KCND2: variants seen among roughly 807,000 people sequenced by gnomAD.
The protein encoded by KCND2 is A-type voltage-gated potassium channel KCND2.
A neutral mutation model predicts 54.4 loss-of-function variants in KCND2; 16 were observed. That is an observed-to-expected ratio of 0.29 (90% CI 0.20 to 0.45). The LOEUF is 0.45. KCND2 is among the 20% of genes least tolerant of loss of function. The pLI is 1.00. For synonymous variants in KCND2, 317 were observed against 310.7 expected (o/e 1.02, Z -0.21); for missense variants, 486 against 824.2 (o/e 0.59, Z 5.02).
chr7:120,702,602 A>C (rs779513001), intron 1 of KCND2, among the ~76,000 whole-genome samples: 1 of 152,236 alleles, frequency 6.6e-6, no homozygotes. Flanking sequence ...ATGGAATACT[A>C]TGCAGCCATA....
intron 1 of KCND2, among the ~76,000 whole-genome samples, chr7:120,288,848 T>C (rs1799387726): frequency 6.6e-6 from 1 of 152,058 alleles, no homozygotes; most frequent in Non-Finnish European, 1.5e-5. Flanking sequence ...TGTTACTTAG[T>C]TAAAATCAGG....
At chr7:120,457,021 A>G (rs1802209818) in intron 1 of KCND2, among the ~76,000 whole-genome samples, 1 of 152,192 alleles carries the variant, frequency 6.6e-6, no homozygotes, top group Non-Finnish European at 1.5e-5. Flanking sequence ...GAAACTTCCA[A>G]AACTTGGGGC....
chr7:120,556,560 A>C (rs1378825068), intron 1 of KCND2, among the ~76,000 whole-genome samples: 4 of 152,118 alleles, frequency 2.6e-5, no homozygotes, highest in African/African-American at 9.7e-5. Context: ...TTTTATCCCT[A>C]TTTCAAAGTA....
chr7:120,396,812 T>C (rs1426098360), intron 1 of KCND2, among the ~76,000 whole-genome samples: 2 of 152,058 alleles, frequency 1.3e-5, no homozygotes, highest in Admixed American at 1.3e-4. Context: ...ACAGACATTA[T>C]GGCCATATAT....
intron 1 of KCND2, among the ~76,000 whole-genome samples, chr7:120,589,761 T>C (rs1004748520): frequency 1.3e-5 from 2 of 152,246 alleles, no homozygotes; most frequent in Non-Finnish European, 2.9e-5. Context: ...TTATCATATC[T>C]GGACTGAGAC....
chr7:120,664,579 T>A (rs1791902698), intron 1 of KCND2, among the ~76,000 whole-genome samples: 1 of 152,096 alleles, frequency 6.6e-6, no homozygotes, highest in Admixed American at 6.5e-5. Flanking sequence ...AATGATTATC[T>A]AACTAGCAGA....
intron 1 of KCND2, among the ~76,000 whole-genome samples, chr7:120,728,460 A>G (rs1445567993): frequency 6.6e-6 from 1 of 151,530 alleles, no homozygotes; most frequent in Non-Finnish European, 1.5e-5. Flanking sequence ...CCCGGCTAAC[A>G]TTGTATCTGT....
intron 1 of KCND2, among the ~76,000 whole-genome samples, chr7:120,611,616 A>G (rs1393644372): frequency 6.6e-6 from 1 of 152,174 alleles, no homozygotes; most frequent in Non-Finnish European, 1.5e-5. Context: ...TTAGAAAGGA[A>G]CACATGAATC....
At chr7:120,320,442 C>T (rs1336562270) in intron 1 of KCND2, among the ~76,000 whole-genome samples, 1 of 152,082 alleles carries the variant, frequency 6.6e-6, no homozygotes, top group East Asian at 1.9e-4. Flanking sequence ...GCAAGTGGTT[C>T]AGTGTGCGAA....
At chr7:120,453,542 C>T (rs1210310512) in intron 1 of KCND2, among the ~76,000 whole-genome samples, 1 of 152,136 alleles carries the variant, frequency 6.6e-6, no homozygotes, top group Non-Finnish European at 1.5e-5. Flanking sequence ...TTAGCAAATT[C>T]AAAAAACCAA....
chr7:120,533,746 C>A (rs1342602514), intron 1 of KCND2, among the ~76,000 whole-genome samples: 9 of 152,068 alleles, frequency 5.9e-5, no homozygotes, highest in Non-Finnish European at 2.9e-5. Context: ...ATAAATGATT[C>A]CACAGTTTTT....
At chr7:120,391,074 C>T (rs1801069899) in intron 1 of KCND2, among the ~76,000 whole-genome samples, 1 of 152,042 alleles carries the variant, frequency 6.6e-6, no homozygotes, top group Admixed American at 6.6e-5. Context: ...CCTTTGCCTC[C>T]ACTGCCCAAC....
chr7:120,693,653 T>C (rs1442852126), intron 1 of KCND2, among the ~76,000 whole-genome samples: 1 of 152,130 alleles, frequency 6.6e-6, no homozygotes, highest in Non-Finnish European at 1.5e-5. Flanking sequence ...GCTCTGTATT[T>C]GCTATTTTAT....
chr7:120,440,631 T>C (rs1328914782), intron 1 of KCND2, among the ~76,000 whole-genome samples: 1 of 152,056 alleles, frequency 6.6e-6, no homozygotes, highest in Non-Finnish European at 1.5e-5. Context: ...GACCTTACTT[T>C]TAAGTCTTTA....
chr7:120,629,473 G>A (rs537644262), intron 1 of KCND2, among the ~76,000 whole-genome samples: 21 of 152,254 alleles, frequency 1.4e-4, no homozygotes, highest in Admixed American at 3.9e-4. Flanking sequence ...GCGACAGAGC[G>A]AGACTCCGTC....
chr7:120,740,966 T>A, intron 2 of KCND2: 1 of 447,002 alleles, frequency 2.2e-6, no homozygotes, highest in Non-Finnish European at 4.5e-6. Context: ...TGGCATGGGA[T>A]CTACCTAGGC....
chr7:120,436,946 A>G (rs1303218085), intron 1 of KCND2, among the ~76,000 whole-genome samples: 1 of 152,174 alleles, frequency 6.6e-6, no homozygotes, highest in Admixed American at 6.5e-5. Context: ...GACTTGATCT[A>G]TGGATATCAG....
chr7:120,290,528 A>T (rs1442445784), intron 1 of KCND2, among the ~76,000 whole-genome samples: 1 of 151,930 alleles, frequency 6.6e-6, no homozygotes, highest in African/African-American at 2.4e-5. Context: ...GTCCCAGACC[A>T]TTCTTATGAA....
chr7:120,474,597 C>T lies in KCND2; in HGVS notation c.1115+198850C>T, dbSNP rs551228880. Among the ~76,000 whole-genome samples the T allele has an allele frequency of 5.3e-5, 8 of 151,738 alleles. No individual in the cohort carries two copies. In the South Asian group the frequency reaches 1.7e-3, roughly 32 times the overall value. On this transcript the variant is annotated intron_variant, in intron 1 of 5. Transcript: ENST00000331113. Reference sequence around the variant, plus strand: ...CAGCCTGGTCTCAAACTCCTGACCTCAGGTTATCCACCTGCCTCAGCCTCC... The same window carrying T: ...CAGCCTGGTCTCAAACTCCTGACCTTAGGTTATCCACCTGCCTCAGCCTCC...
Sources: gnomAD v4.1 joint callset for allele counts (sites outside exome capture counted in the v4.1 genomes callset) on GRCh38, gnomAD v4.1.1 for gene constraint, MANE v1.5 for transcripts, NCBI Gene and HGNC (gene_info 2026-07-23, HGNC 2026-07-21) for gene names.